Variants in MAP7 observed in about 807,000 individuals in gnomAD.
The protein encoded by MAP7 is microtubule associated protein 7.
In MAP7, 52 loss-of-function variants were observed where a neutral mutation model predicts 94.8. That is an observed-to-expected ratio of 0.55 (90% CI 0.44 to 0.69). MAP7 has a LOEUF of 0.69. Ranked by LOEUF, MAP7 falls within the 30% of genes least tolerant of loss-of-function variation. The probability of loss-of-function intolerance (pLI) is 0.00; values close to 1 mark genes in which losing one functional copy is unlikely to be tolerated. For missense variants in MAP7, 940 were observed against 964.6 expected (o/e 0.97, Z 0.34); for synonymous variants, 350 against 357.0 (o/e 0.98, Z 0.22).
intron 1 of MAP7, among the ~76,000 whole-genome samples, chr6:136,457,293 G>T (rs1803612822): frequency 6.6e-6 from 1 of 150,646 alleles, no homozygotes; most frequent in South Asian, 2.1e-4. Flanking sequence ...ATAGTAAAGA[G>T]ATTGAATCAG....
intron 1 of MAP7, among the ~76,000 whole-genome samples, chr6:136,441,607 C>T (rs901563827): frequency 2.0e-5 from 3 of 152,152 alleles, no homozygotes; most frequent in African/African-American, 7.2e-5. Context: ...GCTATTAGCC[C>T]CTTAAGCTGA....
At chr6:136,374,394 A>C (rs1020585007) in intron 7 of MAP7, among the ~76,000 whole-genome samples, 5 of 152,220 alleles carry the variant, frequency 3.3e-5, no homozygotes, top group African/African-American at 1.2e-4. Flanking sequence ...GCATTTAAGA[A>C]ATAACATCCT....
intron 17 of MAP7, among the ~76,000 whole-genome samples, chr6:136,344,833 A>C (rs1787243990): frequency 6.6e-6 from 1 of 152,234 alleles, no homozygotes. Context: ...GAGTAGCTTC[A>C]TTTGGATGGG....
chr6:136,357,013 T>C (rs1791175900), intron 15 of MAP7, among the ~76,000 whole-genome samples: 1 of 152,180 alleles, frequency 6.6e-6, no homozygotes, highest in Non-Finnish European at 1.5e-5. Context: ...TATTAATACA[T>C]GTAAAGGACT....
intron 1 of MAP7, among the ~76,000 whole-genome samples, chr6:136,506,061 A>G (rs1462582668): frequency 1.3e-5 from 2 of 152,210 alleles, no homozygotes; most frequent in South Asian, 4.1e-4. Flanking sequence ...AACAACAAAA[A>G]AATCTGTGTT....
At chr6:136,478,063 G>A (rs1438701738) in intron 1 of MAP7, among the ~76,000 whole-genome samples, 2 of 151,850 alleles carry the variant, frequency 1.3e-5, no homozygotes, top group Non-Finnish European at 2.9e-5. Flanking sequence ...ATGACCAGTG[G>A]GTCAATGAAC....
At chr6:136,404,329 G>GA (rs924142041) in intron 3 of MAP7, among the ~76,000 whole-genome samples, 5 of 128,578 alleles carry the variant, frequency 3.9e-5, no homozygotes, top group East Asian at 2.2e-4. Context: ...AGATGAGAGA[G>GA]AAAAAAAAAG....
intron 1 of MAP7, among the ~76,000 whole-genome samples, chr6:136,517,799 C>T (rs1825296131): frequency 6.6e-6 from 1 of 152,138 alleles, no homozygotes; most frequent in South Asian, 2.1e-4. Context: ...GTGAAACTTT[C>T]CTAGTATCCT....
At chr6:136,449,707 A>G (rs1800512643) in intron 1 of MAP7, among the ~76,000 whole-genome samples, 1 of 152,248 alleles carries the variant, frequency 6.6e-6, no homozygotes, top group African/African-American at 2.4e-5. Context: ...AGTCAGCTTT[A>G]GGCTAAACTT....
chr6:136,435,613 C>T (rs1796180006), intron 1 of MAP7, among the ~76,000 whole-genome samples: 2 of 152,046 alleles, frequency 1.3e-5, no homozygotes, highest in African/African-American at 4.8e-5. Flanking sequence ...TATCCTATGT[C>T]CTTTATTTTA....
chr6:136,489,793 T>G (rs1284506832), intron 1 of MAP7, among the ~76,000 whole-genome samples: 2 of 152,090 alleles, frequency 1.3e-5, no homozygotes, highest in Non-Finnish European at 2.9e-5. Context: ...CCTCCTAAAG[T>G]GCTGGGATTA....
At chr6:136,518,521 T>C (rs1825519834) in intron 1 of MAP7, among the ~76,000 whole-genome samples, 1 of 152,222 alleles carries the variant, frequency 6.6e-6, no homozygotes, top group African/African-American at 2.4e-5. Context: ...GTATGACTTA[T>C]CTTCTCAAAT....
chr6:136,484,028 G>C (rs1242198408), intron 1 of MAP7, among the ~76,000 whole-genome samples: 1 of 152,198 alleles, frequency 6.6e-6, no homozygotes, highest in African/African-American at 2.4e-5. Context: ...CTCTTATCTA[G>C]AGCAGCAGGT....
chr6:136,513,928 C>G (rs1823997834), intron 1 of MAP7, among the ~76,000 whole-genome samples: 3 of 152,168 alleles, frequency 2.0e-5, no homozygotes, highest in Non-Finnish European at 4.4e-5. Context: ...TTTGCCCAGT[C>G]TGCCACCACT....
intron 1 of MAP7, among the ~76,000 whole-genome samples, chr6:136,509,817 A>G (rs982527045): frequency 1.4e-4 from 21 of 152,162 alleles, no homozygotes; most frequent in African/African-American, 5.1e-4. Flanking sequence ...TCTGCTTCCC[A>G]AAGCATTGGA....
rs138584159 is a variant in MAP7, at chr6:136,549,332, C to T, written c.67+1010G>A. On this transcript the variant is annotated intron_variant, in intron 1 of 17. Coordinates refer to ENST00000354570, the MANE Select transcript of MAP7 (RefSeq NM_003980.6). ...TTAAAGTAAGAAACTGCCTCACTGC[C>T]CCCATCCCCAAGTGTAGGAAGATAT... is the stretch of plus-strand genomic sequence containing the variant. 7.8e-3 allele frequency among the ~76,000 whole-genome samples: 1,181 copies of T among 152,238 alleles called. 23 individuals are homozygous for T. Among genetic ancestry groups the T allele is most frequent in the African/African-American group, 0.027 (1,106 of 41,518 alleles).
chr6:136,345,686 A>T, intron 17 of MAP7, 170 bp downstream of exon 17: 1 of 699,976 alleles, frequency 1.4e-6, no homozygotes, highest in Non-Finnish European at 2.6e-6. Flanking sequence ...GTCCAATCCA[A>T]CTCAAAATTC....
chr6:136,547,064 A>C (rs1829792363), intron 1 of MAP7, among the ~76,000 whole-genome samples: 1 of 152,212 alleles, frequency 6.6e-6, no homozygotes. Context: ...CAAGCTTAAT[A>C]CCAAATTGAC....
chr6:136,500,598 G>A (rs571849341), intron 1 of MAP7, among the ~76,000 whole-genome samples: 39 of 152,262 alleles, frequency 2.6e-4, no homozygotes, highest in African/African-American at 7.5e-4. Context: ...TCCTCTAAAC[G>A]TAGGAATGCT....
Sources: allele counts gnomAD v4.1 joint callset (sites outside exome capture counted in the v4.1 genomes callset), GRCh38; gene constraint gnomAD v4.1.1; transcripts MANE v1.5; gene names NCBI Gene and HGNC (gene_info 2026-07-23, HGNC 2026-07-21).